Variants in WDR7 observed in about 807,000 individuals in gnomAD.
The protein encoded by WDR7 is WD repeat domain 7.
WDR7 carries 46 observed loss-of-function variants against 169.4 expected under a neutral mutation model. The observed-to-expected ratio is 0.27, with a 90% CI of 0.21 to 0.35. WDR7 has a LOEUF of 0.35. WDR7 is among the 10% of genes least tolerant of loss of function. WDR7 has a pLI of 1.00. For missense variants in WDR7, 1,534 were observed against 1,859.3 expected (o/e 0.83, Z 3.22); for synonymous variants, 612 against 666.8 (o/e 0.92, Z 1.27).
At chr18:56,901,052 A>G (rs1318048861) in intron 21 of WDR7, among the ~76,000 whole-genome samples, 1 of 152,198 alleles carries the variant, frequency 6.6e-6, no homozygotes, top group Non-Finnish European at 1.5e-5. Flanking sequence ...ATACAGTCTC[A>G]TAAATCAAAA....
At chr18:56,781,798 TTTA>T (rs2044322410) in intron 19 of WDR7, 142 bp downstream of exon 19, 1 of 973,542 alleles carries the variant, frequency 1.0e-6, no homozygotes, top group East Asian at 3.2e-5. Flanking sequence ...TCAAATTCAC[TTTA>T]TTATTTTCTG....
chr18:56,737,080 T>C (rs1183240224), intron 14 of WDR7, among the ~76,000 whole-genome samples: 1 of 152,204 alleles, frequency 6.6e-6, no homozygotes, highest in Non-Finnish European at 1.5e-5. Flanking sequence ...TTATAATTCT[T>C]TGGAGGTAGA....
At chr18:56,823,364 G>A (rs1017930685) in intron 20 of WDR7, among the ~76,000 whole-genome samples, 2 of 152,102 alleles carry the variant, frequency 1.3e-5, no homozygotes, top group Non-Finnish European at 2.9e-5. Context: ...GATCATCTGA[G>A]GTCAGGAGTT....
intron 25 of WDR7, among the ~76,000 whole-genome samples, chr18:56,940,465 A>G (rs2047018735): frequency 6.6e-6 from 1 of 152,220 alleles, no homozygotes. Context: ...AAAAAATTAT[A>G]CTGTAGCATA....
intron 19 of WDR7, among the ~76,000 whole-genome samples, chr18:56,804,359 A>G (rs978227085): frequency 3.9e-5 from 6 of 152,262 alleles, no homozygotes; most frequent in Non-Finnish European, 8.8e-5. Context: ...TCATAATTCA[A>G]AAGATCAAAA....
At chr18:56,870,627 A>C (rs924093174) in intron 20 of WDR7, among the ~76,000 whole-genome samples, 2 of 152,214 alleles carry the variant, frequency 1.3e-5, no homozygotes, top group Non-Finnish European at 2.9e-5. Flanking sequence ...AAAATTGTTA[A>C]TATTCCATTA....
intron 19 of WDR7, among the ~76,000 whole-genome samples, chr18:56,792,011 G>T (rs1395272510): frequency 6.6e-6 from 1 of 151,870 alleles, no homozygotes; most frequent in Non-Finnish European, 1.5e-5. Context: ...TTCCTAAGGG[G>T]TTTTCTTTTC....
intron 16 of WDR7, among the ~76,000 whole-genome samples, chr18:56,772,253 A>G (rs2044176627): frequency 6.6e-6 from 1 of 151,410 alleles, no homozygotes; most frequent in African/African-American, 2.4e-5. Flanking sequence ...CTCCATCAAA[A>G]TAAAGAAGTA....
intron 1 of WDR7, among the ~76,000 whole-genome samples, chr18:56,652,182 GT>G (rs1233262593): frequency 1.3e-5 from 2 of 152,122 alleles, no homozygotes; most frequent in African/African-American, 4.8e-5. Context: ...GCTGTTTTAT[GT>G]TTTTTACCCA....
At chr18:56,835,459 G>A (rs1160277985) in intron 20 of WDR7, among the ~76,000 whole-genome samples, 1 of 152,152 alleles carries the variant, frequency 6.6e-6, no homozygotes, top group Non-Finnish European at 1.5e-5. Flanking sequence ...TTGAGTTGCA[G>A]TAATTTTGGA....
At chr18:56,692,628 A>G (rs147037245) in intron 9 of WDR7, among the ~76,000 whole-genome samples, 5 of 151,910 alleles carry the variant, frequency 3.3e-5, no homozygotes, top group African/African-American at 9.7e-5. Context: ...CTTTATTCAA[A>G]CTTCCACTTA....
chr18:56,682,473 C>A (rs2025367919), intron 4 of WDR7, among the ~76,000 whole-genome samples: 1 of 152,074 alleles, frequency 6.6e-6, no homozygotes, highest in South Asian at 2.1e-4. Flanking sequence ...TTTTTGTTAG[C>A]TATTTAAAAA....
intron 9 of WDR7, among the ~76,000 whole-genome samples, chr18:56,693,560 GGTTTTTTTTTTT>G (rs943709549): frequency 3.5e-5 from 4 of 113,184 alleles, no homozygotes; most frequent in Admixed American, 1.1e-4. Context: ...CAATTTTGTT[GGTTTTTTTTTTT>G]GTTTTTTTTT....
Position 57,017,313 on chromosome 18 carries a change from G to A in WDR7, c.4165-3432G>A, listed in dbSNP as rs371006733. On this transcript the variant is annotated intron_variant, in intron 26 of 27. Transcript: ENST00000254442. ...CTGCTTGAGCGGTGCTTGCTCTTAC[G>A]AGACAGCAGGTCTGTCTGTCAGCTG... 1.3e-4 allele frequency among the ~76,000 whole-genome samples: 20 copies of A among 152,278 alleles called. 1 individual carries two copies. The highest frequency in any genetic ancestry group is 1.9e-4 in the Non-Finnish European group (13 of 68,024).
chr18:56,770,515 T>C (rs1055024278), intron 16 of WDR7, among the ~76,000 whole-genome samples: 5 of 152,250 alleles, frequency 3.3e-5, no homozygotes, highest in Non-Finnish European at 5.9e-5. Flanking sequence ...TTACAGAAAC[T>C]TTGTTTTTTG....
intron 16 of WDR7, among the ~76,000 whole-genome samples, chr18:56,774,312 A>G (rs2044209844): frequency 6.6e-6 from 1 of 152,118 alleles, no homozygotes; most frequent in Non-Finnish European, 1.5e-5. Flanking sequence ...TGTATGTGCT[A>G]TGTAAGGGGA....
At chr18:56,761,549 G>A (rs1367574353) in intron 16 of WDR7, among the ~76,000 whole-genome samples, 2 of 151,778 alleles carry the variant, frequency 1.3e-5, no homozygotes, top group Non-Finnish European at 2.9e-5. Context: ...GATTTTAATT[G>A]CAGTTATATT....
intron 26 of WDR7, among the ~76,000 whole-genome samples, chr18:56,970,706 C>T (rs2047472044): frequency 1.3e-5 from 2 of 152,188 alleles, no homozygotes; most frequent in African/African-American, 4.8e-5. Flanking sequence ...GGTTCACTCT[C>T]CGTGTTGTGC....
intron 21 of WDR7, among the ~76,000 whole-genome samples, chr18:56,901,217 C>A (rs2046396478): frequency 6.6e-6 from 1 of 152,138 alleles, no homozygotes; most frequent in African/African-American, 2.4e-5. Flanking sequence ...GTGGGCATAG[C>A]AAGACCGTGT....
Sources: gnomAD v4.1 joint callset for allele counts (sites outside exome capture counted in the v4.1 genomes callset) on GRCh38, gnomAD v4.1.1 for gene constraint, MANE v1.5 for transcripts, NCBI Gene and HGNC (gene_info 2026-07-23, HGNC 2026-07-21) for gene names.